SYNE3: variants seen among roughly 807,000 people sequenced by gnomAD.
The protein encoded by SYNE3 is spectrin repeat containing nuclear envelope family member 3.
Under a neutral mutation model 111.2 loss-of-function variants are expected in SYNE3, and 100 were observed. The observed-to-expected ratio is 0.90, with a 90% CI of 0.77 to 1.06. SYNE3 has a LOEUF of 1.06. SYNE3 is among the 50% of genes least tolerant of loss of function. SYNE3 has a pLI of 0.00. For missense variants in SYNE3, 1,160 were observed against 1,240.3 expected (o/e 0.94, Z 0.97); for synonymous variants, 547 against 533.9 (o/e 1.02, Z -0.34).
intron 1 of SYNE3, among the ~76,000 whole-genome samples, chr14:95,515,890 G>A (rs747896285): frequency 8.5e-5 from 13 of 152,172 alleles, no homozygotes; most frequent in Non-Finnish European, 1.8e-4. Flanking sequence ...CACTGCTCCC[G>A]GGTTGACCAA....
At chr14:95,429,639 A>C (rs188948878) in intron 17 of SYNE3, among the ~76,000 whole-genome samples, 3 of 152,194 alleles carry the variant, frequency 2.0e-5, no homozygotes, top group Non-Finnish European at 4.4e-5. Flanking sequence ...AGCAAGCACC[A>C]AAGTCAGATT....
At chr14:95,466,499 CA>C (rs1888188003) in intron 3 of SYNE3, among the ~76,000 whole-genome samples, 1 of 152,186 alleles carries the variant, frequency 6.6e-6, no homozygotes, top group East Asian at 1.9e-4. Context: ...GCTCAGACTC[CA>C]AACTTCCTCC....
Position 95,430,976 on chromosome 14 carries a change from C to G in SYNE3, c.2727+1103G>C, listed in dbSNP as rs557838958. Among the ~76,000 whole-genome samples, 189 of 152,340 alleles carry G rather than the reference C, an allele frequency of 1.2e-3. 2 individuals carry two copies. The highest frequency in any genetic ancestry group is 4.2e-3 in the African/African-American group (174 of 41,566). ...CTGCCCAGTCCATTGGTTACCCACT[C>G]TCCTATAGATGTTACTTATGACACC... On this transcript the variant is annotated intron_variant, in intron 17 of 17. Coordinates refer to ENST00000682763, the MANE Select transcript of SYNE3 (RefSeq NM_152592.6).
chr14:95,418,112 G>T, intron 17 of SYNE3, 86 bp from the exon 18 acceptor site: 1 of 1,403,338 alleles, frequency 7.1e-7, no homozygotes, highest in South Asian at 1.2e-5. Context: ...GATGCCAGGA[G>T]CGGTGGTAGC....
At chr14:95,426,910 C>T (rs1457135915) in intron 17 of SYNE3, among the ~76,000 whole-genome samples, 1 of 138,640 alleles carries the variant, frequency 7.2e-6, no homozygotes, top group Non-Finnish European at 1.5e-5. Context: ...CACCACTGCA[C>T]TCCAGCCTGG....
intron 3 of SYNE3, among the ~76,000 whole-genome samples, chr14:95,466,938 G>C (rs1888220884): frequency 6.6e-6 from 1 of 152,160 alleles, no homozygotes; most frequent in Non-Finnish European, 1.5e-5. Context: ...TGCATCTGTG[G>C]GCTCGTTGCA....
Position 95,485,164 on chromosome 14 carries a change from G to A in SYNE3, c.-14-9329C>T, listed in dbSNP as rs1450333380. Among the ~76,000 whole-genome samples, 1 of 152,152 alleles carries A rather than the reference G, an allele frequency of 6.6e-6. No individual in the cohort carries two copies. Among genetic ancestry groups the A allele is most frequent in the Non-Finnish European group, 1.5e-5 (1 of 68,030 alleles). On this transcript the variant is annotated intron_variant, in intron 1 of 17. Transcript: ENST00000682763. This position sits in a 1 kb window ranked among gnomAD's most constrained non-coding sequence, Gnocchi z 4.3. ...AATTCATCCACACGGTGGGAGGGCG[G>A]TTGGGGCTGGGTCCTATTAGCTTTG...
chr14:95,502,575 T>G (rs1457435653), intron 1 of SYNE3, among the ~76,000 whole-genome samples: 7 of 152,102 alleles, frequency 4.6e-5, no homozygotes, highest in Non-Finnish European at 8.8e-5. Flanking sequence ...CTTTGTGCAT[T>G]CAGGAGATCC....
At chr14:95,449,700 C>T (rs548924945) in intron 8 of SYNE3, 2 of 983,444 alleles carry the variant, frequency 2.0e-6, no homozygotes, top group East Asian at 2.3e-4. Context: ...GGGTGGGGAG[C>T]GTCCGTACGG....
intron 1 of SYNE3, among the ~76,000 whole-genome samples, chr14:95,497,666 T>A (rs61983375): frequency 1.3e-5 from 2 of 152,294 alleles, no homozygotes; most frequent in Non-Finnish European, 2.9e-5. Flanking sequence ...CTTTTAGGCT[T>A]TACAAGCCAT....
In SYNE3 at chr14:95,407,602, A is replaced by C. The variant is rs1404129571; in HGVS notation, c.*10224T>G. 6.6e-6 allele frequency: 1 copy of C among 152,214 alleles called. No individual in the cohort carries two copies. Among genetic ancestry groups the C allele is most frequent in the Non-Finnish European group, 1.5e-5 (1 of 68,038 alleles). 9.4% of individuals were successfully genotyped at this position (152,214 alleles called of 1,614,324 possible). A position where few individuals can be genotyped will look rare whatever the true frequency, so the allele number is the denominator to read the frequency against. On this transcript the variant is annotated 3_prime_UTR_variant, in exon 18 of 18. Coordinates refer to ENST00000682763, the MANE Select transcript of SYNE3 (RefSeq NM_152592.6). ...TTAATTTATTGCAAATGCATGTTTT[A>C]CCATCACAAATAATATGACAAGAGT...
At chr14:95,484,689 T>A (rs946203302) in intron 1 of SYNE3, among the ~76,000 whole-genome samples, 4 of 152,206 alleles carry the variant, frequency 2.6e-5, no homozygotes, top group Admixed American at 2.0e-4. Context: ...TCAGGGGTCT[T>A]GATCAAAAGT....
intron 11 of SYNE3, among the ~76,000 whole-genome samples, chr14:95,440,891 C>G (rs777073559): frequency 6.6e-6 from 1 of 152,184 alleles, no homozygotes; most frequent in African/African-American, 2.4e-5. Context: ...AAAAAGTAAT[C>G]GAGCTGCACA....
intron 1 of SYNE3, among the ~76,000 whole-genome samples, chr14:95,480,982 A>G (rs1007754952): frequency 2.0e-5 from 3 of 152,102 alleles, no homozygotes; most frequent in Non-Finnish European, 2.9e-5. Flanking sequence ...GCCTGGGCAG[A>G]GCCTCCTCCC....
At chr14:95,469,705 T>A (rs910719125) in intron 2 of SYNE3, among the ~76,000 whole-genome samples, 7 of 151,846 alleles carry the variant, frequency 4.6e-5, no homozygotes, top group African/African-American at 1.7e-4. Context: ...AGCGAGACCA[T>A]GTCTCAAAAA....
chr14:95,419,748 GATGGTGATAATGATCATGGAA>G (rs1884974664), intron 17 of SYNE3, among the ~76,000 whole-genome samples: 2 of 146,896 alleles, frequency 1.4e-5, no homozygotes, highest in Non-Finnish European at 3.0e-5. Flanking sequence ...AGGTGGTGAT[GATGGTGATAATGATCATGGAA>G]ATGGTGATAA....
At position 95,457,213 on chromosome 14, in the gene SYNE3, G is replaced by A; in HGVS notation, c.753C>T (p.Cys251=). The change falls in exon 5 of 18, where the codon TGC becomes TGT. Residue 251 remains cysteine (C), a synonymous_variant. Transcript: ENST00000682763. ...AGAGGCGCTGCGTGATGGGCAGCTT[G>A]CAGTTCCGCCCCAGGCAGCCATTCA... ...EKVNGCLGRN[C]KLPITQRLST... 4.3e-6 allele frequency: 7 copies of A among 1,614,044 alleles called. No homozygotes were observed. The highest frequency in any genetic ancestry group is 5.9e-6 in the Non-Finnish European group (7 of 1,179,996).
chr14:95,461,552 T>A (rs1887818533), intron 4 of SYNE3, among the ~76,000 whole-genome samples: 2 of 152,112 alleles, frequency 1.3e-5, no homozygotes, highest in Admixed American at 1.3e-4. Flanking sequence ...TGTGGTTCCG[T>A]CCCCATCAAC....
chr14:95,474,992 ATTTGACCAAGG>A (rs2139509621), intron 2 of SYNE3, among the ~76,000 whole-genome samples: 1 of 152,352 alleles, frequency 6.6e-6, no homozygotes, highest in Non-Finnish European at 1.5e-5. Context: ...TGGGGCAGGG[ATTTGACCAAGG>A]TCACACAGCA....
Sources: gnomAD v4.1 joint callset for allele counts (sites outside exome capture counted in the v4.1 genomes callset) on GRCh38, gnomAD v4.1.1 for gene constraint, Gnocchi (gnomAD v3.1) non-coding constraint, MANE v1.5 for transcripts, NCBI Gene and HGNC (gene_info 2026-07-23, HGNC 2026-07-21) for gene names.